The following SAMD4B variants were observed in gnomAD, a reference collection of about 807,000 sequenced individuals.
The protein encoded by SAMD4B is sterile alpha motif domain containing 4B, also known as protein Smaug homolog 2.
SAMD4B carries 5 observed loss-of-function variants against 74.5 expected under a neutral mutation model. The observed-to-expected ratio is 0.07, with a 90% confidence interval of 0.04 to 0.14. SAMD4B has a LOEUF of 0.14. SAMD4B is among the 10% of genes least tolerant of loss of function. SAMD4B has a pLI of 1.00. For missense variants in SAMD4B, 608 were observed against 921.8 expected, an observed-to-expected ratio of 0.66 and a Z score of 4.41; for synonymous variants, 373 against 374.9, an observed-to-expected ratio of 1.00 and a Z score of 0.06.
downstream of SAMD4B, chr19:39,390,315 T>C (rs1273708064): frequency 1.9e-6 from 3 of 1,601,684 alleles, no homozygotes; most frequent in South Asian, 2.2e-5. Context: ...GAAACAGTGA[T>C]AGGTGGAGAG....
intron 3 of SAMD4B, among the ~76,000 whole-genome samples, chr19:39,358,052 C>T (rs1321225668): frequency 6.6e-6 from 1 of 152,156 alleles, no homozygotes. Flanking sequence ...AGGCAGATCA[C>T]CTGAGGTCGG....
intron 4 of SAMD4B, among the ~76,000 whole-genome samples, chr19:39,372,919 C>G (rs1344321904): frequency 1.3e-5 from 2 of 152,192 alleles, no homozygotes; most frequent in East Asian, 3.9e-4. Context: ...GGCTGAAGAA[C>G]TCCTGGGAAG....
chr19:39,379,850 T>C, intron 9 of SAMD4B, 116 bp from the exon 10 acceptor site: 1 of 856,502 alleles, frequency 1.2e-6, no homozygotes, highest in Non-Finnish European at 1.8e-6. Flanking sequence ...GGATTACAGC[T>C]TGAGCCACCA....
At chr19:39,374,017 C>T (rs2077456501) in intron 4 of SAMD4B, among the ~76,000 whole-genome samples, 1 of 151,892 alleles carries the variant, frequency 6.6e-6, no homozygotes, top group Non-Finnish European at 1.5e-5. Context: ...CCTGTAATCC[C>T]AGCACTTTGG....
At chr19:39,359,776 G>A (rs2145473780) in intron 3 of SAMD4B, 1 of 152,132 alleles carries the variant, frequency 6.6e-6, no homozygotes, top group East Asian at 1.9e-4. Flanking sequence ...CTTCCACATG[G>A]TACATGTGGT....
In SAMD4B at chr19:39,385,067, G is replaced by C. The variant is rs1372650146; in HGVS notation, c.*1540G>C. Reference sequence around the variant, plus strand: ...GGGGGTAGGGTGGCCCTGGGAACCTGGCTCTGGGTCCCCACTTCCTCTCCC... The same window carrying C: ...GGGGGTAGGGTGGCCCTGGGAACCTCGCTCTGGGTCCCCACTTCCTCTCCC... On this transcript the variant is annotated 3_prime_UTR_variant, in exon 14 of 14. Coordinates refer to ENST00000610417, the MANE Select transcript of SAMD4B (RefSeq NM_001384574.2). 1.3e-5 allele frequency: 2 copies of C among 152,622 alleles called. No individual in the cohort carries two copies. The highest frequency in any genetic ancestry group is 2.9e-5 in the Non-Finnish European group (2 of 68,346). 9.5% of individuals were successfully genotyped at this position (152,622 alleles called of 1,614,324 possible). A position where few individuals can be genotyped will look rare whatever the true frequency, so the allele number is the denominator to read the frequency against.
downstream of SAMD4B, among the ~76,000 whole-genome samples, chr19:39,388,076 G>T (rs2078292098): frequency 6.6e-6 from 1 of 152,208 alleles, no homozygotes; most frequent in Admixed American, 6.5e-5. Flanking sequence ...AGGAAGCGGA[G>T]GTTGCAGTGG....
At chr19:39,365,382 C>T (rs1209332289) in intron 3 of SAMD4B, among the ~76,000 whole-genome samples, 7 of 151,906 alleles carry the variant, frequency 4.6e-5, no homozygotes, top group African/African-American at 9.7e-5. Context: ...GGCAAAAGCC[C>T]GTCTCTACTC....
chr19:39,376,932 A>G (rs2077632595), intron 7 of SAMD4B, 141 bp downstream of exon 7: 1 of 650,158 alleles, frequency 1.5e-6, no homozygotes, highest in South Asian at 1.9e-5. Flanking sequence ...TTCAGGGACC[A>G]CATGCAAGCC....
At position 39,376,378 on chromosome 19, in the gene SAMD4B, C is replaced by T. The variant is rs942945233; in HGVS notation, c.908-59C>T. ...TGTGGGTTTATCCCCACAACTTTTC[C>T]TTTACCCTGGTAATCTGGGCCAAAC... On this transcript the variant is annotated intron_variant, in intron 5 of 13. Transcript: ENST00000610417. 5 of 1,444,198 alleles carry T rather than the reference C, an allele frequency of 3.5e-6. No individual in the cohort carries two copies. In the African/African-American group the frequency reaches 7.0e-5, roughly 20 times the overall value. The allele number at this position is 1,444,198 out of a possible 1,614,324, so 89.5% of individuals were successfully genotyped here. A position where few individuals can be genotyped will look rare whatever the true frequency, so the allele number is the denominator to read the frequency against.
At chr19:39,377,335 G>C (rs898568805) in intron 7 of SAMD4B, 150 bp from the exon 8 acceptor site, 4 of 592,838 alleles carry the variant, frequency 6.7e-6, no homozygotes, top group African/African-American at 5.6e-5. Flanking sequence ...ATGTTTGTGG[G>C]CTTGCAGTAC....
At chr19:39,349,672 T>C (rs2075912880) in intron 1 of SAMD4B, 1 of 152,186 alleles carries the variant, frequency 6.6e-6, no homozygotes, top group South Asian at 2.1e-4. Context: ...CCTGTTACCT[T>C]GTTCATGAAG....
intron 12 of SAMD4B, among the ~76,000 whole-genome samples, chr19:39,381,846 C>T (rs909701967): frequency 7.2e-5 from 11 of 152,310 alleles, no homozygotes; most frequent in Non-Finnish European, 1.6e-4. Context: ...GCAGGAGGAT[C>T]GCTTGAGCCC....
chr19:39,386,187 TCA>T, downstream of SAMD4B: 1 of 1,614,152 alleles, frequency 6.2e-7, no homozygotes, highest in Non-Finnish European at 8.5e-7. The surrounding 1 kb of genome is among the most constrained non-coding windows in gnomAD (Gnocchi z 6.1). Flanking sequence ...GTCCTCATCA[TCA>T]GAGTCGGCAT....
rs1328583719 is a variant in SAMD4B, at chr19:39,385,097, C to A, written c.*1570C>A. The A allele has an allele frequency of 6.5e-6, 1 of 152,704 alleles. No homozygotes were observed. The highest frequency in any genetic ancestry group is 1.9e-4 in the East Asian group (1 of 5,232). 9.5% of individuals were successfully genotyped at this position (152,704 alleles called of 1,614,324 possible). ...TGGGTCCCCACTTCCTCTCCCAGTG[C>A]CGGGCTGGGTGGGGTGTCAGGTTTA... is the stretch of plus-strand genomic sequence containing the variant. On this transcript the variant is annotated 3_prime_UTR_variant, in exon 14 of 14. Coordinates refer to ENST00000610417, the MANE Select transcript of SAMD4B (RefSeq NM_001384574.2).
chr19:39,371,163 C>T (rs180914647), intron 4 of SAMD4B, among the ~76,000 whole-genome samples: 70 of 152,310 alleles, frequency 4.6e-4, no homozygotes, highest in African/African-American at 1.6e-3. Flanking sequence ...ATGATGTAAA[C>T]CTCAGAGTAG....
At chr19:39,370,191 A>G in intron 4 of SAMD4B, 66 bp downstream of exon 4, 2 of 1,434,932 alleles carry the variant, frequency 1.4e-6, no homozygotes, top group Non-Finnish European at 1.9e-6. Context: ...GCTCAGTGAG[A>G]GCTCTCTCGC....
intron 1 of SAMD4B, among the ~76,000 whole-genome samples, chr19:39,346,980 A>G (rs1468271309): frequency 2.6e-5 from 4 of 152,258 alleles, no homozygotes; most frequent in Non-Finnish European, 4.4e-5. Flanking sequence ...TAGAAAAACA[A>G]TAAAATAAAA....
At chr19:39,363,477 A>G (rs888962987) in intron 3 of SAMD4B, among the ~76,000 whole-genome samples, 2 of 152,220 alleles carry the variant, frequency 1.3e-5, no homozygotes, top group Non-Finnish European at 2.9e-5. Flanking sequence ...GTGCTTTTGT[A>G]CATGAACTGT....
Sources: allele counts gnomAD v4.1 joint callset (sites outside exome capture counted in the v4.1 genomes callset), GRCh38; gene constraint gnomAD v4.1.1; non-coding constraint Gnocchi (gnomAD v3.1); transcripts MANE v1.5; gene names NCBI Gene and HGNC (gene_info 2026-07-23, HGNC 2026-07-21).